The following SGSM1 variants were observed in gnomAD, a reference collection of about 807,000 sequenced individuals.
SGSM1 encodes the protein RUN and TBC1 domain containing 2.
SGSM1 carries 73 observed loss-of-function variants against 133.8 expected under a neutral mutation model. That is an observed-to-expected ratio of 0.55 (90% CI 0.45 to 0.66). SGSM1 has a LOEUF of 0.66. Ranked by LOEUF, SGSM1 falls within the 30% of genes least tolerant of loss-of-function variation. The pLI, the probability that SGSM1 is intolerant of heterozygous loss-of-function variation, is 0.00. For synonymous variants in SGSM1, 563 were observed against 573.0 expected, an observed-to-expected ratio of 0.98 and a Z score of 0.25; for missense variants, 1,213 against 1,448.1, an observed-to-expected ratio of 0.84 and a Z score of 2.64.
In SGSM1 at chr22:24,860,912, A is replaced by ATATATATATAT. The variant is rs1356480013; in HGVS notation, c.926+1072_926+1073insTATATATATAT. 9.2e-5 allele frequency among the ~76,000 whole-genome samples: 9 copies of ATATATATATAT among 97,758 alleles called. No homozygotes were observed. The South Asian group carries it at 1.2e-3, about 13-fold the overall frequency. 64.1% of individuals were successfully genotyped at this position (97,758 alleles called of 152,430 possible). ...GAGACTGTCTTAAAAAAAAAAAAAA[A>ATATATATATAT]AAAAAAAAAAATATATATATATATA... On this transcript the variant is annotated intron_variant, in intron 9 of 24. Coordinates refer to ENST00000400358, the MANE Select transcript of SGSM1 (RefSeq NM_001098497.3).
At chr22:24,886,749 A>G (rs2123678577) in intron 16 of SGSM1, 21 bp downstream of exon 16, 1 of 1,569,298 alleles carries the variant, frequency 6.4e-7, no homozygotes, top group South Asian at 1.2e-5. Context: ...TGCCATGGGC[A>G]CTGGGATCTT....
intron 21 of SGSM1, among the ~76,000 whole-genome samples, chr22:24,910,885 C>T (rs1221734334): frequency 6.6e-6 from 1 of 152,088 alleles, no homozygotes; most frequent in Admixed American, 6.6e-5. Context: ...ACAGAGGTTG[C>T]AGTGAGCCAA....
At chr22:24,839,975 C>T (rs1337625059) in intron 2 of SGSM1, among the ~76,000 whole-genome samples, 2 of 139,244 alleles carry the variant, frequency 1.4e-5, no homozygotes, top group Non-Finnish European at 3.0e-5. Flanking sequence ...TGCTCTGTCA[C>T]CCAGGCTGGA....
chr22:24,834,992 C>T (rs1271304461), intron 2 of SGSM1, among the ~76,000 whole-genome samples: 1 of 152,148 alleles, frequency 6.6e-6, no homozygotes, highest in African/African-American at 2.4e-5. Flanking sequence ...AACTGCGACT[C>T]ACTCAAGACA....
At chr22:24,854,956 T>C (rs1930681358) in intron 5 of SGSM1, 40 bp from the exon 6 acceptor site, 1 of 1,542,884 alleles carries the variant, frequency 6.5e-7, no homozygotes, top group Admixed American at 1.7e-5. Context: ...CGTCCTCTGC[T>C]GGTCTCCATC....
In SGSM1 at chr22:24,859,810, G is replaced by T. The variant is rs1418566616; in HGVS notation, c.896G>T (p.Gly299Val). 6.2e-7 allele frequency: 1 copy of T among 1,613,862 alleles called. No individual in the cohort carries two copies. The highest frequency in any genetic ancestry group is 1.3e-5 in the African/African-American group (1 of 75,050). ...LKWTPNQLMNGSVGDLDYEKS... is the reference protein window; with the variant it reads ...LKWTPNQLMNVSVGDLDYEKS... ...TGGACACCCAACCAGCTGATGAACG[G>T]GTCTGTGGGGGACCTGGACTATGAG... The change falls in exon 9 of 25, where the codon GGG (glycine) becomes GTG (valine). Residue 299 changes from glycine to valine, a missense_variant. Coordinates refer to ENST00000400358, the MANE Select transcript of SGSM1 (RefSeq NM_001098497.3).
chr22:24,888,099 C>T (rs7288726), intron 16 of SGSM1, among the ~76,000 whole-genome samples: 5,198 of 152,088 alleles, frequency 0.034, 295 homozygotes, highest in African/African-American at 0.12. Flanking sequence ...GATAACAGTC[C>T]TTTGTTCAGA....
At chr22:24,841,104 C>A (rs892005939) in intron 2 of SGSM1, among the ~76,000 whole-genome samples, 1 of 152,184 alleles carries the variant, frequency 6.6e-6, no homozygotes, top group Non-Finnish European at 1.5e-5. Flanking sequence ...CCCGCCTTGG[C>A]CTCCCAAAGT....
At chr22:24,830,294 C>G (rs774794292) in intron 2 of SGSM1, among the ~76,000 whole-genome samples, 1 of 152,202 alleles carries the variant, frequency 6.6e-6, no homozygotes, top group East Asian at 1.9e-4. Context: ...GATCCCGACC[C>G]TCAGGCTGAG....
chr22:24,878,998 G>T (rs1247817836), intron 13 of SGSM1, among the ~76,000 whole-genome samples: 1 of 152,172 alleles, frequency 6.6e-6, no homozygotes, highest in African/African-American at 2.4e-5. Flanking sequence ...TTCTATGATG[G>T]TTCCATCCTC....
intron 14 of SGSM1, among the ~76,000 whole-genome samples, chr22:24,881,639 C>T (rs1219570753): frequency 6.6e-6 from 1 of 152,154 alleles, no homozygotes; most frequent in Non-Finnish European, 1.5e-5. Context: ...ACTCTGGGAA[C>T]AGTTCCTTGC....
At chr22:24,865,531 C>T (rs954801148) in intron 9 of SGSM1, among the ~76,000 whole-genome samples, 2 of 152,190 alleles carry the variant, frequency 1.3e-5, no homozygotes, top group African/African-American at 4.8e-5. Flanking sequence ...CCACTTTTCT[C>T]ATTTCACAGC....
intron 5 of SGSM1, 36 bp downstream of exon 5, chr22:24,850,468 GC>G: frequency 2.5e-6 from 4 of 1,598,530 alleles, no homozygotes; most frequent in Non-Finnish European, 3.4e-6. Context: ...GCCATGCTCT[GC>G]CCCCACCTGC....
Position 24,859,818 on chromosome 22 carries a change from G to A in SGSM1, c.904G>A (p.Gly302Arg), listed in dbSNP as rs1334425684. The change falls in exon 9 of 25, where the codon GGG becomes AGG. Residue 302 changes from glycine to arginine, a missense_variant. Gly to Arg is a moderately radical substitution (Grantham distance 125). Coordinates refer to ENST00000400358, the MANE Select transcript of SGSM1 (RefSeq NM_001098497.3). ...CAACCAGCTGATGAACGGGTCTGTG[G>A]GGGACCTGGACTATGAGAAGAGGTA... ...TPNQLMNGSV[G>R]DLDYEKSVYW... The A allele has an allele frequency of 6.2e-7, 1 of 1,613,752 alleles. No individual in the cohort carries two copies.
intron 2 of SGSM1, among the ~76,000 whole-genome samples, chr22:24,826,471 A>G (rs1313573324): frequency 6.6e-6 from 1 of 152,250 alleles, no homozygotes; most frequent in Non-Finnish European, 1.5e-5. Flanking sequence ...AACCAAGCTC[A>G]GTAAGCATTA....
chr22:24,899,518 C>CTTTTTT (rs56027362), intron 19 of SGSM1, among the ~76,000 whole-genome samples: 5 of 133,870 alleles, frequency 3.7e-5, no homozygotes, highest in African/African-American at 8.2e-5. Flanking sequence ...CTTTTCTTTT[C>CTTTTTT]TTTTTTTTTT....
intron 2 of SGSM1, among the ~76,000 whole-genome samples, chr22:24,839,968 T>C (rs1417439585): frequency 7.0e-5 from 10 of 141,974 alleles, no homozygotes; most frequent in African/African-American, 2.4e-4. Context: ...GATATCTTGC[T>C]CTGTCACCCA....
intron 2 of SGSM1, among the ~76,000 whole-genome samples, chr22:24,821,439 G>A (rs1182955077): frequency 6.6e-6 from 1 of 152,252 alleles, no homozygotes; most frequent in Admixed American, 6.5e-5. Context: ...GGAACGTGCA[G>A]CATTGGAGGA....
chr22:24,919,835 A>C lies in SGSM1; in HGVS notation c.3035A>C (p.Tyr1012Ser). The change falls in exon 24 of 25, where the codon TAT becomes TCT. Residue 1012 changes from tyrosine to serine, a missense_variant. Tyr to Ser is a moderately radical substitution (Grantham distance 144). Transcript: ENST00000400358. Reference protein sequence around the residue: ...FLLDFKRELVYDDVFLVWETI... With the variant: ...FLLDFKRELVSDDVFLVWETI... ...GTTGGTGTCTTGGCAGAACTCGTCTATGATGACGTCTTCTTGGTCTGGGAG... is the reference window on the plus strand; with the variant it reads ...GTTGGTGTCTTGGCAGAACTCGTCTCTGATGACGTCTTCTTGGTCTGGGAG... 1 of 1,614,024 alleles carries C rather than the reference A, an allele frequency of 6.2e-7. No homozygotes were observed. Among genetic ancestry groups the C allele is most frequent in the Non-Finnish European group, 8.5e-7 (1 of 1,179,894 alleles).
Sources: allele counts gnomAD v4.1 joint callset (sites outside exome capture counted in the v4.1 genomes callset), GRCh38; gene constraint gnomAD v4.1.1; transcripts MANE v1.5; gene names NCBI Gene and HGNC (gene_info 2026-07-23, HGNC 2026-07-21).